STK3: variants seen among roughly 807,000 people sequenced by gnomAD.
The protein encoded by STK3 is serine/threonine kinase 3, also known as serine/threonine-protein kinase 3.
Under a neutral mutation model 58.0 loss-of-function variants are expected in STK3, and 41 were observed. That is an observed-to-expected ratio of 0.71 (90% confidence interval 0.55 to 0.92). The LOEUF (loss-of-function observed/expected upper bound fraction) is 0.92. STK3 is among the 40% of genes least tolerant of loss of function. STK3 has a pLI of 0.00. For synonymous variants in STK3, 170 were observed against 191.0 expected, an observed-to-expected ratio of 0.89 and a Z score of 0.91; for missense variants, 479 against 602.7, an observed-to-expected ratio of 0.79 and a Z score of 2.15.
chr8:98,805,133 T>A (rs1833818893), intron 1 of STK3, among the ~76,000 whole-genome samples: 1 of 152,188 alleles, frequency 6.6e-6, no homozygotes, highest in Non-Finnish European at 1.5e-5. Flanking sequence ...AAAAGCAGAA[T>A]CATTTCTCAC....
intron 3 of STK3, among the ~76,000 whole-genome samples, chr8:98,858,632 A>T (rs1243385999): frequency 6.6e-6 from 1 of 151,006 alleles, no homozygotes. Flanking sequence ...CGTGACTCAC[A>T]CCTGTAATCC....
intron 4 of STK3, among the ~76,000 whole-genome samples, chr8:98,734,347 A>G (rs1255670317): frequency 6.6e-6 from 1 of 152,218 alleles, no homozygotes; most frequent in African/African-American, 2.4e-5. Flanking sequence ...TTTGCTACAG[A>G]CCACAAGACT....
At chr8:98,662,834 C>T (rs888326807) in intron 6 of STK3, among the ~76,000 whole-genome samples, 1 of 151,786 alleles carries the variant, frequency 6.6e-6, no homozygotes, top group Non-Finnish European at 1.5e-5. Flanking sequence ...CCTCCCCCAA[C>T]CCCACAACAG....
intron 3 of STK3, among the ~76,000 whole-genome samples, chr8:98,757,997 C>G (rs1373949519): frequency 6.6e-6 from 1 of 152,128 alleles, no homozygotes; most frequent in Non-Finnish European, 1.5e-5. Flanking sequence ...GTTTTTAAAC[C>G]AGCATGTTGA....
chr8:98,681,070 C>A (rs1221804349), intron 6 of STK3, among the ~76,000 whole-genome samples: 1 of 149,988 alleles, frequency 6.7e-6, no homozygotes, highest in Non-Finnish European at 1.5e-5. Context: ...ATGATCTCGG[C>A]TCACTGCAAC....
intron 3 of STK3, chr8:98,431,216 G>A (rs1219947724): frequency 6.0e-6 from 1 of 167,100 alleles, no homozygotes; most frequent in Non-Finnish European, 1.5e-5. Context: ...AGTTGTCATG[G>A]CTACTACAGT....
Position 98,585,582 on chromosome 8 carries a change from C to CT in STK3, c.823-5794dup, listed in dbSNP as rs533691037. On this transcript the variant is annotated intron_variant, in intron 7 of 10. Coordinates refer to ENST00000419617, the MANE Select transcript of STK3 (RefSeq NM_006281.4). Reference sequence around the variant, plus strand: ...TAGGATTGACTTGGCGATGCGGGCTCTTTTTTGGTTCCATATGAACTTTAA... The same window carrying CT: ...TAGGATTGACTTGGCGATGCGGGCTCTTTTTTTGGTTCCATATGAACTTTAA... Among the ~76,000 whole-genome samples the CT allele has an allele frequency of 9.3e-3, 1,386 of 148,696 alleles. 13 individuals are homozygous for CT. Among genetic ancestry groups the CT allele is most frequent in the Non-Finnish European group, 0.013 (906 of 67,180 alleles).
At chr8:98,670,526 G>A (rs977553531) in intron 6 of STK3, among the ~76,000 whole-genome samples, 18 of 152,154 alleles carry the variant, frequency 1.2e-4, no homozygotes, top group Non-Finnish European at 2.4e-4. Flanking sequence ...ATAGAGGCAG[G>A]AAGCAGAAAA....
chr8:98,538,158 C>T (rs1367072768), intron 9 of STK3, among the ~76,000 whole-genome samples: 2 of 152,100 alleles, frequency 1.3e-5, no homozygotes, highest in African/African-American at 4.8e-5. Flanking sequence ...ATGAAGATTA[C>T]CTAATTTGTT....
Position 98,773,197 on chromosome 8 carries a change from C to A in STK3, c.107+1542G>T, listed in dbSNP as rs147904175. On this transcript the variant is annotated intron_variant, in intron 2 of 10. Transcript: ENST00000419617. ...GTCCTTTCTCTTTTTTCTATTATAT[C>A]TGTCCAATTCTAAAAGAGATACATT... Among the ~76,000 whole-genome samples, 1,322 of 152,086 alleles carry A rather than the reference C, an allele frequency of 8.7e-3. 11 individuals are homozygous for A. The highest frequency in any genetic ancestry group is 0.03 in the African/African-American group (1,245 of 41,524).
intron 6 of STK3, among the ~76,000 whole-genome samples, chr8:98,699,766 G>A (rs1825375592): frequency 6.6e-6 from 1 of 152,190 alleles, no homozygotes; most frequent in Non-Finnish European, 1.5e-5. Context: ...GTGTCAGTCT[G>A]CCCCTACTTG....
At chr8:98,616,845 T>G (rs1323305368) in intron 6 of STK3, among the ~76,000 whole-genome samples, 2 of 149,366 alleles carry the variant, frequency 1.3e-5, no homozygotes, top group Non-Finnish European at 3.0e-5. Flanking sequence ...AGACTTAGAC[T>G]CCCACACATT....
At chr8:98,827,986 C>CTT (rs112858815), upstream of STK3, among the ~76,000 whole-genome samples, 1 of 143,946 alleles carries the variant, frequency 6.9e-6, no homozygotes, top group Admixed American at 7.0e-5. Context: ...ATACTCCCAG[C>CTT]TTTTTTTTTT....
At chr8:98,724,662 C>T (rs1042649914) in intron 4 of STK3, among the ~76,000 whole-genome samples, 3 of 152,030 alleles carry the variant, frequency 2.0e-5, no homozygotes, top group South Asian at 2.1e-4. Flanking sequence ...TAAAATAATT[C>T]GTAAAAATAA....
intron 1 of STK3, among the ~76,000 whole-genome samples, chr8:98,891,172 T>C (rs913611875): frequency 6.6e-6 from 1 of 152,210 alleles, no homozygotes; most frequent in African/African-American, 2.4e-5. Flanking sequence ...TGCTGCGCCT[T>C]TTGCAGCTCA....
chr8:98,508,375 C>T (rs762874521), intron 10 of STK3, among the ~76,000 whole-genome samples: 3 of 152,056 alleles, frequency 2.0e-5, no homozygotes, highest in Admixed American at 1.3e-4. Flanking sequence ...AGTTGTGGCT[C>T]ATATTGTATG....
the STK3 span, among the ~76,000 whole-genome samples, chr8:98,358,711 G>T: frequency 6.6e-6 from 1 of 152,112 alleles, no homozygotes; most frequent in Non-Finnish European, 1.5e-5. Flanking sequence ...GGGGAATGAG[G>T]GGGGAGTGAC....
chr8:98,942,454 G>C (rs1840473199), exon 1 of STK3: 1 of 152,274 alleles, frequency 6.6e-6, no homozygotes, highest in Non-Finnish European at 1.5e-5. Flanking sequence ...AGGCTGGCGT[G>C]GACGAAGTAA....
At chr8:98,368,939 T>C (rs182072847), downstream of STK3, among the ~76,000 whole-genome samples, 3 of 152,202 alleles carry the variant, frequency 2.0e-5, no homozygotes, top group African/African-American at 7.2e-5. Context: ...TATTGTACTT[T>C]GCATCACTGG....
Sources: gnomAD v4.1 joint callset for allele counts (sites outside exome capture counted in the v4.1 genomes callset) on GRCh38, gnomAD v4.1.1 for gene constraint, MANE v1.5 for transcripts, NCBI Gene and HGNC (gene_info 2026-07-23, HGNC 2026-07-21) for gene names.